Variants in SDK1 observed in about 807,000 individuals in gnomAD.
The protein encoded by SDK1 is protein sidekick-1.
In SDK1, 157 loss-of-function variants were observed where a neutral mutation model predicts 245.5. The observed-to-expected ratio is 0.64, with a 90% CI of 0.56 to 0.73. The LOEUF (loss-of-function observed/expected upper bound fraction) is 0.73, where lower values mean the gene tolerates loss of function less well. Ranked by LOEUF, SDK1 falls within the 30% of genes least tolerant of loss-of-function variation. SDK1 has a pLI of 0.00. For missense variants in SDK1, 3,583 were observed against 3,002.3 expected (o/e 1.19, Z -4.52); for synonymous variants, 1,647 against 1,278.5 (o/e 1.29, Z -6.15).
Position 4,178,697 on chromosome 7 carries a change from G to C in SDK1, c.5098+111G>C, listed in dbSNP as rs144487137. 4.1e-3 allele frequency: 3,010 copies of C among 742,368 alleles called. 114 individuals carry two copies. The Admixed American group carries it at 0.059, about 14-fold the overall frequency. The allele number at this position is 742,368 out of a possible 1,614,324, so 46.0% of individuals were successfully genotyped here. ...GTGTCCAGCAGCGTTCTTTCTCCTT[G>C]AACACATTGCTGTCGGGGCTGAGGT... On this transcript the variant is annotated intron_variant, in intron 35 of 44. Coordinates refer to ENST00000404826, the MANE Select transcript of SDK1 (RefSeq NM_152744.4).
At chr7:3,658,172 A>G (rs1783247126) in intron 4 of SDK1, among the ~76,000 whole-genome samples, 1 of 152,158 alleles carries the variant, frequency 6.6e-6, no homozygotes, top group Non-Finnish European at 1.5e-5. Flanking sequence ...ATCCCCTCAC[A>G]GGTGTTAAGA....
At chr7:4,230,543 AATGG>A (rs1317491012) in intron 40 of SDK1, among the ~76,000 whole-genome samples, 2 of 149,876 alleles carry the variant, frequency 1.3e-5, no homozygotes, top group Non-Finnish European at 3.0e-5. Context: ...AGGAAGGAAA[AATGG>A]ATGGATGGAT....
chr7:4,257,321 C>T (rs896682653), intron 44 of SDK1, among the ~76,000 whole-genome samples: 5 of 152,228 alleles, frequency 3.3e-5, no homozygotes, highest in African/African-American at 7.2e-5. Context: ...CATCCAATCA[C>T]TTTCTGTCCT....
chr7:3,587,828 A>G (rs1339384138), intron 1 of SDK1, among the ~76,000 whole-genome samples: 3 of 152,222 alleles, frequency 2.0e-5, no homozygotes, highest in African/African-American at 7.2e-5. Context: ...AGCTCTCCAC[A>G]TCTAAATTGT....
At chr7:3,341,278 C>G (rs1780341643) in intron 1 of SDK1, among the ~76,000 whole-genome samples, 1 of 152,104 alleles carries the variant, frequency 6.6e-6, no homozygotes, top group South Asian at 2.1e-4. Flanking sequence ...ATCAGTTGAC[C>G]TATAAAAAGC....
chr7:3,473,153 T>C (rs1781236763), intron 1 of SDK1, among the ~76,000 whole-genome samples: 1 of 152,182 alleles, frequency 6.6e-6, no homozygotes, highest in Non-Finnish European at 1.5e-5. Flanking sequence ...TTGACTCTGA[T>C]TGAAGATGAG....
intron 5 of SDK1, among the ~76,000 whole-genome samples, chr7:3,907,986 T>G (rs1779014469): frequency 6.6e-6 from 1 of 152,148 alleles, no homozygotes; most frequent in South Asian, 2.1e-4. Flanking sequence ...GCTTGGGGCT[T>G]GGGGGTGATA....
In SDK1 at chr7:4,223,564, A is replaced by G. The variant is rs115683744; in HGVS notation, c.5827+2200A>G. 2.9e-3 allele frequency among the ~76,000 whole-genome samples: 440 copies of G among 152,268 alleles called. 5 individuals carry two copies. The highest frequency in any genetic ancestry group is 0.01 in the African/African-American group (420 of 41,546). ...CACCCATCTCTGCCTTCATCTTCCC[A>G]TGGTGATCTCCCTGTATGTGTGTCT... On this transcript the variant is annotated intron_variant, in intron 40 of 44. Transcript: ENST00000404826.
intron 37 of SDK1, 65 bp from the exon 38 acceptor site, chr7:4,209,960 G>T (rs1206103459): frequency 6.1e-6 from 8 of 1,318,448 alleles, no homozygotes; most frequent in Middle Eastern, 3.9e-4. Context: ...CGGAGGCACA[G>T]ACATGTATGT....
At chr7:3,397,986 G>A (rs753934630) in intron 1 of SDK1, among the ~76,000 whole-genome samples, 3 of 151,990 alleles carry the variant, frequency 2.0e-5, no homozygotes, top group Non-Finnish European at 4.4e-5. Flanking sequence ...GTAATTTTTT[G>A]TGGAAAGCCA....
intron 1 of SDK1, among the ~76,000 whole-genome samples, chr7:3,429,709 G>A (rs974377573): frequency 1.3e-5 from 2 of 150,396 alleles, no homozygotes; most frequent in Non-Finnish European, 3.0e-5. Flanking sequence ...CAATCCTCCC[G>A]CCTCAGCCTC....
At chr7:4,141,849 C>T in intron 28 of SDK1, among the ~76,000 whole-genome samples, 1 of 152,128 alleles carries the variant, frequency 6.6e-6, no homozygotes, top group South Asian at 2.1e-4. Flanking sequence ...CTCCGCCTCC[C>T]GGGTTCAAGT....
chr7:4,099,439 G>A (rs1667606244), intron 22 of SDK1, among the ~76,000 whole-genome samples: 1 of 139,842 alleles, frequency 7.2e-6, no homozygotes, highest in Non-Finnish European at 1.5e-5. Flanking sequence ...GCCGGGCCAG[G>A]CAAGGTTAGG....
At chr7:3,780,504 C>T (rs1343825451) in intron 4 of SDK1, among the ~76,000 whole-genome samples, 5 of 152,204 alleles carry the variant, frequency 3.3e-5, no homozygotes, top group East Asian at 1.9e-4. Flanking sequence ...TCATAACCCA[C>T]ATTTAAAGCT....
intron 1 of SDK1, among the ~76,000 whole-genome samples, chr7:3,518,296 A>G (rs1403160): frequency 0.26 from 39,435 of 151,920 alleles, 5,316 homozygotes; most frequent in East Asian, 0.34. Context: ...TAATTTTATG[A>G]ATAATATCTC....
intron 1 of SDK1, among the ~76,000 whole-genome samples, chr7:3,314,814 AC>A (rs1779627251): frequency 1.3e-5 from 2 of 152,180 alleles, no homozygotes; most frequent in South Asian, 4.1e-4. Flanking sequence ...TTTATTTTAA[AC>A]CCACAATTGC....
At chr7:4,178,409 G>A in intron 34 of SDK1, 76 bp from the exon 35 acceptor site, 1 of 1,063,036 alleles carries the variant, frequency 9.4e-7, no homozygotes. Context: ...GCTTCATTGT[G>A]GTTCATAGGG....
chr7:3,856,647 C>T (rs908310688), intron 5 of SDK1, among the ~76,000 whole-genome samples: 21 of 151,922 alleles, frequency 1.4e-4, no homozygotes, highest in African/African-American at 4.8e-4. Flanking sequence ...AAAAATTAGC[C>T]AGGCATGGTG....
chr7:3,969,252 T>G lies in SDK1; in HGVS notation c.1547-5T>G. 1 of 1,591,654 alleles carries G rather than the reference T, an allele frequency of 6.3e-7. No individual in the cohort carries two copies. The highest frequency in any genetic ancestry group is 8.6e-7 in the Non-Finnish European group (1 of 1,168,476). ...AACATGCCTCTTTTCTCCACTGTTC[T>G]TTAGAAAACCACATTCTGGCCAGTG... On this transcript the variant is annotated splice_region_variant and splice_polypyrimidine_tract_variant and intron_variant, in intron 10 of 44. Transcript: ENST00000404826.
Sources: allele counts gnomAD v4.1 joint callset (sites outside exome capture counted in the v4.1 genomes callset), GRCh38; gene constraint gnomAD v4.1.1; transcripts MANE v1.5; gene names NCBI Gene and HGNC (gene_info 2026-07-23, HGNC 2026-07-21).